TRIQK: variants seen among roughly 807,000 people sequenced by gnomAD.
The protein encoded by TRIQK is triple QxxK/R motif containing, also known as triple QxxK/R motif-containing protein.
Under a neutral mutation model 10.8 loss-of-function variants are expected in TRIQK, and 10 were observed. The ratio of observed to expected loss-of-function variants is 0.92; its 90% CI spans 0.57 to 1.57. The LOEUF (loss-of-function observed/expected upper bound fraction) is 1.57, where lower values mean the gene tolerates loss of function less well. Ranked by LOEUF, TRIQK falls within the 40% of genes most tolerant of loss-of-function variation. The pLI is 0.00. For missense variants in TRIQK, 107 were observed against 97.7 expected (o/e 1.09, Z -0.40); for synonymous variants, 33 against 33.7 (o/e 0.98, Z 0.07).
intron 1 of TRIQK, among the ~76,000 whole-genome samples, chr8:92,993,233 C>A (rs186763119): frequency 6.6e-6 from 1 of 152,230 alleles, no homozygotes; most frequent in East Asian, 1.9e-4. Context: ...ACTTTGTTTT[C>A]TTTCCCTTGT....
At chr8:92,939,427 C>T (rs1811158146) in intron 2 of TRIQK, among the ~76,000 whole-genome samples, 1 of 152,048 alleles carries the variant, frequency 6.6e-6, no homozygotes, top group South Asian at 2.1e-4. Context: ...AGCCAAAATG[C>T]CTACCCAATG....
At chr8:93,017,038 G>A (rs919277331) in intron 1 of TRIQK, among the ~76,000 whole-genome samples, 9 of 149,270 alleles carry the variant, frequency 6.0e-5, no homozygotes, top group African/African-American at 2.2e-4. Flanking sequence ...AAACATTTAT[G>A]TAAAGTTTAA....
chr8:92,983,069 A>C (rs1249188894), intron 1 of TRIQK, among the ~76,000 whole-genome samples: 1 of 152,046 alleles, frequency 6.6e-6, no homozygotes, highest in Admixed American at 6.6e-5. Context: ...TAAAGTTACA[A>C]ATACAATGAA....
At chr8:92,901,289 C>CG (rs1256914392) in intron 3 of TRIQK, among the ~76,000 whole-genome samples, 1 of 152,008 alleles carries the variant, frequency 6.6e-6, no homozygotes, top group African/African-American at 2.4e-5. Flanking sequence ...TGTTGAATAA[C>CG]GGGGGTGGAA....
intron 1 of TRIQK, among the ~76,000 whole-genome samples, chr8:93,004,000 A>G (rs1341604656): frequency 6.6e-6 from 1 of 152,164 alleles, no homozygotes; most frequent in Non-Finnish European, 1.5e-5. Context: ...GCTAGCATTG[A>G]GTGCCTGTGG....
At chr8:92,984,486 T>C (rs1813013765) in intron 1 of TRIQK, among the ~76,000 whole-genome samples, 1 of 152,116 alleles carries the variant, frequency 6.6e-6, no homozygotes, top group Non-Finnish European at 1.5e-5. Context: ...ATAAGCATTA[T>C]TTAGATATGA....
intron 1 of TRIQK, among the ~76,000 whole-genome samples, chr8:93,002,920 C>CAA (rs770726105): frequency 7.0e-5 from 8 of 113,848 alleles, no homozygotes; most frequent in Non-Finnish European, 9.2e-5. Context: ...AACTCCATCT[C>CAA]AAAAAAAAAA....
At position 92,956,273 on chromosome 8, in the gene TRIQK, C is replaced by A. The variant is rs1453675154; in HGVS notation, c.-180-1709G>T. 2.6e-5 allele frequency among the ~76,000 whole-genome samples: 4 copies of A among 151,800 alleles called. No homozygotes were observed. In the East Asian group the frequency reaches 7.7e-4, roughly 29 times the overall value. The stretch of plus-strand genomic sequence containing the variant: ...AAACATGTATCTAAGTGAAAGAAGT[C>A]AGTCACAAAAGTCCACTTAATACAT... On this transcript the variant is annotated intron_variant, in intron 1 of 4. Coordinates refer to ENST00000521988, the MANE Select transcript of TRIQK (RefSeq NM_001171797.2).
intron 2 of TRIQK, among the ~76,000 whole-genome samples, chr8:92,928,380 G>C (rs1810551207): frequency 6.6e-6 from 1 of 152,174 alleles, no homozygotes; most frequent in Non-Finnish European, 1.5e-5. Context: ...CAGATCTCAA[G>C]AGTCTAGTTA....
chr8:92,990,955 C>G (rs1388761719), intron 1 of TRIQK, among the ~76,000 whole-genome samples: 1 of 152,202 alleles, frequency 6.6e-6, no homozygotes, highest in Non-Finnish European at 1.5e-5. Context: ...AGTGGTCTAG[C>G]TCAGCAGATC....
intron 1 of TRIQK, chr8:92,964,843 T>C (rs1031667621): frequency 6.6e-6 from 1 of 152,170 alleles, no homozygotes; most frequent in African/African-American, 2.4e-5. Flanking sequence ...GAAACAATTA[T>C]TGCCCAAGGA....
intron 1 of TRIQK, among the ~76,000 whole-genome samples, chr8:93,014,672 A>T (rs1483165121): frequency 6.6e-6 from 1 of 152,062 alleles, no homozygotes; most frequent in African/African-American, 2.4e-5. Context: ...TTTAGACAAT[A>T]CACTCTTTGG....
chr8:93,007,419 T>C (rs1813285363), intron 1 of TRIQK, among the ~76,000 whole-genome samples: 2 of 152,166 alleles, frequency 1.3e-5, no homozygotes, highest in Non-Finnish European at 2.9e-5. Flanking sequence ...CTAACGAAGA[T>C]GAGAAAGACT....
upstream of TRIQK, chr8:92,966,222 C>G (rs1369555112): frequency 2.0e-5 from 3 of 152,280 alleles, no homozygotes; most frequent in South Asian, 2.1e-4. Context: ...GTCTGTACGC[C>G]GGTCCAGGAC....
intron 2 of TRIQK, among the ~76,000 whole-genome samples, chr8:92,935,552 A>G (rs1810943382): frequency 6.6e-6 from 1 of 151,666 alleles, no homozygotes; most frequent in African/African-American, 2.4e-5. Flanking sequence ...CAAAAAGGAA[A>G]TAATAGAAAA....
chr8:92,964,013 A>C (rs927903715), intron 1 of TRIQK: 1 of 152,244 alleles, frequency 6.6e-6, no homozygotes, highest in Non-Finnish European at 1.5e-5. Context: ...TTTGGGATAA[A>C]ACATAGATTA....
chr8:92,963,329 A>G (rs1298095256), intron 1 of TRIQK: 1 of 152,198 alleles, frequency 6.6e-6, no homozygotes, highest in South Asian at 2.1e-4. Context: ...TAGATAGGGA[A>G]TCAGACCAAA....
At chr8:92,942,581 T>C (rs754504842) in intron 2 of TRIQK, among the ~76,000 whole-genome samples, 4 of 152,164 alleles carry the variant, frequency 2.6e-5, no homozygotes, top group Non-Finnish European at 5.9e-5. Flanking sequence ...GCCTCCAAGT[T>C]GGAAAGGAAG....
At chr8:92,988,000 CTTTTTTTTTTTTT>C (rs549776227) in intron 1 of TRIQK, among the ~76,000 whole-genome samples, 1 of 57,580 alleles carries the variant, frequency 1.7e-5, no homozygotes, top group Admixed American at 2.6e-4. Context: ...TTTATACTTT[CTTTTTTTTTTTTT>C]TTTTTTTTTT....
Sources: gnomAD v4.1 joint callset for allele counts (sites outside exome capture counted in the v4.1 genomes callset) on GRCh38, gnomAD v4.1.1 for gene constraint, MANE v1.5 for transcripts, NCBI Gene and HGNC (gene_info 2026-07-23, HGNC 2026-07-21) for gene names.